KLRD1: variants seen among roughly 807,000 people sequenced by gnomAD.
KLRD1 encodes the protein natural killer cells antigen CD94.
Under a neutral mutation model 22.6 loss-of-function variants are expected in KLRD1, and 21 were observed. That is an observed-to-expected ratio of 0.93 (90% CI 0.66 to 1.34). KLRD1 has a LOEUF of 1.34. Ranked by LOEUF, KLRD1 falls within the 40% of genes most tolerant of loss-of-function variation. KLRD1 has a pLI of 0.00. For synonymous variants in KLRD1, 59 were observed against 71.1 expected, an observed-to-expected ratio of 0.83 and a Z score of 0.85; for missense variants, 183 against 208.6, an observed-to-expected ratio of 0.88 and a Z score of 0.76.
At chr12:10,281,079 T>C (rs1949637083) in intron 1 of KLRD1, among the ~76,000 whole-genome samples, 1 of 152,118 alleles carries the variant, frequency 6.6e-6, no homozygotes, top group South Asian at 2.1e-4. Flanking sequence ...TTGAGGATCT[T>C]GAGATTGAAG....
At chr12:10,263,752 T>C (rs906526665) in intron 1 of KLRD1, among the ~76,000 whole-genome samples, 5 of 152,224 alleles carry the variant, frequency 3.3e-5, no homozygotes, top group Admixed American at 2.6e-4. Context: ...GCTAGACTCA[T>C]GGAAATAAAT....
intron 1 of KLRD1, among the ~76,000 whole-genome samples, chr12:10,244,805 A>ACAAAAAAACCAAAACAAAC (rs71049074): frequency 6.6e-6 from 1 of 151,636 alleles, no homozygotes; most frequent in Admixed American, 6.6e-5. Context: ...AAACAAACAA[A>ACAAAAAAACCAAAACAAAC]AAAAAAACCA....
In KLRD1 at chr12:10,321,556, G is replaced by A. The variant is rs539814297; in HGVS notation, c.*6763G>A. ...CCCTTTTGATATAATCAATTACATT[G>A]TATAAGGGTTGATCACTGTGACCAA... is the stretch of plus-strand genomic sequence containing the variant. On this transcript the variant is annotated 3_prime_UTR_variant, in exon 6 of 6. Transcript: ENST00000336164. The A allele has an allele frequency of 1.2e-3, 181 of 152,308 alleles. No homozygotes were observed. The highest frequency in any genetic ancestry group is 4.0e-3 in the African/African-American group (167 of 41,550). The allele number at this position is 152,308 out of a possible 1,614,324, so 9.4% of individuals were successfully genotyped here. A position where few individuals can be genotyped will look rare whatever the true frequency, so the allele number is the denominator to read the frequency against.
At chr12:10,260,641 A>G (rs2045880) in intron 1 of KLRD1, among the ~76,000 whole-genome samples, 7,061 of 24,174 alleles carry the variant, frequency 0.29, 237 homozygotes, top group Non-Finnish European at 0.44. Flanking sequence ...TCTCTACTAA[A>G]AATACAAAAA....
chr12:10,244,150 G>A (rs1345974998), intron 1 of KLRD1, among the ~76,000 whole-genome samples: 1 of 152,060 alleles, frequency 6.6e-6, no homozygotes, highest in Non-Finnish European at 1.5e-5. Flanking sequence ...AGGTGGTTCT[G>A]AAGCCCCTTG....
intron 1 of KLRD1, among the ~76,000 whole-genome samples, chr12:10,296,318 C>T (rs907180282): frequency 6.6e-6 from 1 of 152,062 alleles, no homozygotes; most frequent in African/African-American, 2.4e-5. Flanking sequence ...AGATCGAGAC[C>T]ATCCTGGCTA....
chr12:10,243,707 T>C (rs1425927671), intron 1 of KLRD1, among the ~76,000 whole-genome samples: 2 of 150,572 alleles, frequency 1.3e-5, no homozygotes, highest in African/African-American at 4.9e-5. Context: ...TAAAACTGTC[T>C]AGTAACAATT....
intron 1 of KLRD1, among the ~76,000 whole-genome samples, chr12:10,253,072 G>T (rs1446388776): frequency 6.6e-6 from 1 of 151,798 alleles, no homozygotes. Context: ...TAGTTTTGAA[G>T]AACTTAATTA....
rs562819450 is a variant in KLRD1, at chr12:10,260,992, T to C, written c.-101+34759T>C. On this transcript the variant is annotated intron_variant, in intron 1 of 5. Coordinates refer to the KLRD1 transcript ENST00000544747. ...AAAAAAAAAAATTTTTTTGAGGTAA[T>C]AGACCATTAGGAGCAATTGCCTTAG... 2.6e-4 allele frequency among the ~76,000 whole-genome samples: 39 copies of C among 150,814 alleles called. 1 individual carries two copies. Among genetic ancestry groups the C allele is most frequent in the African/African-American group, 9.2e-4 (38 of 41,138 alleles).
chr12:10,296,344 G>A (rs1016087353), intron 1 of KLRD1, among the ~76,000 whole-genome samples: 2 of 151,888 alleles, frequency 1.3e-5, no homozygotes, highest in Admixed American at 6.6e-5. Context: ...GTGAAACCCC[G>A]TCTCTACTAA....
chr12:10,306,537 A>T (rs1949931724), upstream of KLRD1, among the ~76,000 whole-genome samples: 1 of 152,194 alleles, frequency 6.6e-6, no homozygotes, highest in South Asian at 2.1e-4. Context: ...AGAAAAACTA[A>T]AAGCAAACCC....
upstream of KLRD1, among the ~76,000 whole-genome samples, chr12:10,306,011 T>A (rs1033809754): frequency 6.8e-6 from 1 of 146,632 alleles, no homozygotes; most frequent in East Asian, 2.0e-4. Flanking sequence ...AAAAAAAAAA[T>A]ACAAAAAATT....
chr12:10,298,949 C>T (rs951045837), intron 1 of KLRD1, among the ~76,000 whole-genome samples: 3 of 152,158 alleles, frequency 2.0e-5, no homozygotes, highest in African/African-American at 4.8e-5. Flanking sequence ...CCTCTAGCAC[C>T]GCTGGGTTAG....
intron 1 of KLRD1, among the ~76,000 whole-genome samples, chr12:10,288,688 C>G (rs1320087990): frequency 6.6e-6 from 1 of 151,880 alleles, no homozygotes; most frequent in Non-Finnish European, 1.5e-5. Context: ...AAAGTAAACT[C>G]AAAAATTTTT....
At chr12:10,272,353 T>TA (rs1949558383) in intron 1 of KLRD1, among the ~76,000 whole-genome samples, 1 of 152,216 alleles carries the variant, frequency 6.6e-6, no homozygotes, top group Non-Finnish European at 1.5e-5. Flanking sequence ...AATATTTACT[T>TA]ACCAAACTAT....
At chr12:10,260,671 T>C (rs1949444562) in intron 1 of KLRD1, among the ~76,000 whole-genome samples, 1 of 151,922 alleles carries the variant, frequency 6.6e-6, no homozygotes, top group Non-Finnish European at 1.5e-5. Flanking sequence ...CTGGGCGTGG[T>C]GGCTCACGCC....
In KLRD1 at chr12:10,270,972, C is replaced by T. The variant is rs528611498; in HGVS notation, c.-100-37006C>T. On this transcript the variant is annotated intron_variant, in intron 1 of 5. Coordinates refer to the KLRD1 transcript ENST00000544747. Reference sequence around the variant, plus strand: ...CTAATTTTTGTATTTTTAGTAGAGACGAGGTTTCACCATGTTGGCCAGGCT... The same window carrying T: ...CTAATTTTTGTATTTTTAGTAGAGATGAGGTTTCACCATGTTGGCCAGGCT... Among the ~76,000 whole-genome samples, 249 of 151,998 alleles carry T rather than the reference C, an allele frequency of 1.6e-3. 2 individuals carry two copies. The highest frequency in any genetic ancestry group is 1.9e-3 in the Non-Finnish European group (131 of 67,970).
rs1440548550 is a variant in KLRD1 at position 10,296,153 on chromosome 12, C to G, written c.-100-11825C>G. On this transcript the variant is annotated intron_variant, in intron 1 of 5. Transcript: ENST00000544747. ...AGAACATTTGCTGACTGACTACAGA[C>G]TGTAGGACATACTGATGTTTTATCC... 3.3e-5 allele frequency among the ~76,000 whole-genome samples: 5 copies of G among 152,154 alleles called. No homozygotes were observed. The South Asian group carries it at 1.0e-3, about 32-fold the overall frequency.
chr12:10,309,226 G>A (rs1316162614), intron 1 of KLRD1, 162 bp from the exon 2 acceptor site: 10 of 533,586 alleles, frequency 1.9e-5, no homozygotes, highest in Non-Finnish European at 3.3e-5. Context: ...TGTTGGTATT[G>A]GGTGAAGTCC....
Sources: gnomAD v4.1 joint callset for allele counts (sites outside exome capture counted in the v4.1 genomes callset) on GRCh38, gnomAD v4.1.1 for gene constraint, MANE v1.5 for transcripts, NCBI Gene and HGNC (gene_info 2026-07-23, HGNC 2026-07-21) for gene names.